CRIM1: variants seen among roughly 807,000 people sequenced by gnomAD.
CRIM1 encodes the protein cysteine rich transmembrane BMP regulator 1, also known as cysteine-rich motor neuron 1 protein.
Under a neutral mutation model 116.4 loss-of-function variants are expected in CRIM1, and 32 were observed. The ratio of observed to expected loss-of-function variants is 0.27; its 90% CI spans 0.21 to 0.37. The LOEUF is 0.37. Ranked by LOEUF, CRIM1 falls within the 10% of genes least tolerant of loss-of-function variation. The pLI, the probability that CRIM1 is intolerant of heterozygous loss-of-function variation, is 1.00. For missense variants in CRIM1, 1,331 were observed against 1,354.8 expected (o/e 0.98, Z 0.28); for synonymous variants, 590 against 509.2 (o/e 1.16, Z -2.13).
chr2:36,486,477 A>G (rs1357672325), intron 7 of CRIM1, among the ~76,000 whole-genome samples: 2 of 152,176 alleles, frequency 1.3e-5, no homozygotes, highest in Admixed American at 1.3e-4. Context: ...TATACTCTTA[A>G]TTTGCTAGAT....
intron 1 of CRIM1, among the ~76,000 whole-genome samples, chr2:36,361,848 C>A (rs1460863712): frequency 2.0e-5 from 3 of 152,048 alleles, no homozygotes; most frequent in African/African-American, 7.2e-5. Context: ...TTTGGAGACA[C>A]CCCAGTAAAG....
intron 1 of CRIM1, among the ~76,000 whole-genome samples, chr2:36,388,396 G>A (rs1671330824): frequency 1.3e-5 from 2 of 152,250 alleles, no homozygotes; most frequent in East Asian, 1.9e-4. Context: ...TTTAAATTAT[G>A]ACTGCCATAG....
chr2:36,493,840 T>G (rs1185484462), intron 7 of CRIM1, among the ~76,000 whole-genome samples: 2 of 152,210 alleles, frequency 1.3e-5, no homozygotes, highest in African/African-American at 4.8e-5. Flanking sequence ...TTGTATTGTT[T>G]CAGAAGTGAA....
chr2:36,471,599 A>G (rs561638248), intron 5 of CRIM1, among the ~76,000 whole-genome samples: 5 of 152,274 alleles, frequency 3.3e-5, no homozygotes, highest in South Asian at 4.1e-4. Context: ...ACATAATGCT[A>G]TTGTATACTT....
At chr2:36,540,113 A>G (rs1202097430) in intron 14 of CRIM1, among the ~76,000 whole-genome samples, 1 of 152,156 alleles carries the variant, frequency 6.6e-6, no homozygotes, top group Non-Finnish European at 1.5e-5. Flanking sequence ...GTGACATGGA[A>G]ACCAGGTGGA....
chr2:36,467,521 A>G (rs1678145574), intron 5 of CRIM1, among the ~76,000 whole-genome samples: 1 of 152,214 alleles, frequency 6.6e-6, no homozygotes, highest in African/African-American at 2.4e-5. Flanking sequence ...CATTATCATC[A>G]CTTAGAAAAG....
intron 14 of CRIM1, among the ~76,000 whole-genome samples, chr2:36,541,823 G>A (rs777749622): frequency 2.8e-4 from 42 of 152,186 alleles, no homozygotes; most frequent in Non-Finnish European, 4.9e-4. Flanking sequence ...GGCTCTTCTA[G>A]TAAATACCAG....
intron 6 of CRIM1, among the ~76,000 whole-genome samples, chr2:36,478,886 G>A (rs1364846342): frequency 6.6e-6 from 1 of 151,858 alleles, no homozygotes; most frequent in Non-Finnish European, 1.5e-5. Flanking sequence ...CCCACCTGGG[G>A]CTGCAGCTTA....
At chr2:36,449,670 T>A (rs1013325260) in intron 4 of CRIM1, among the ~76,000 whole-genome samples, 11 of 152,124 alleles carry the variant, frequency 7.2e-5, no homozygotes, top group Non-Finnish European at 1.5e-4. Context: ...ATTCTTTGAC[T>A]TTCCAAAAGC....
At chr2:36,379,363 A>G (rs1188934300) in intron 1 of CRIM1, 5 of 152,232 alleles carry the variant, frequency 3.3e-5, no homozygotes, top group African/African-American at 9.6e-5. Context: ...GAAGTGGTCC[A>G]TTTAAAATCT....
intron 2 of CRIM1, among the ~76,000 whole-genome samples, chr2:36,409,699 A>G (rs2148411696): frequency 6.6e-6 from 1 of 152,368 alleles, no homozygotes; most frequent in South Asian, 2.1e-4. Flanking sequence ...TAATCAGTTT[A>G]AAAGCTACTT....
At chr2:36,372,159 C>CAACA (rs1178002834) in intron 1 of CRIM1, among the ~76,000 whole-genome samples, 1 of 152,106 alleles carries the variant, frequency 6.6e-6, no homozygotes, top group African/African-American at 2.4e-5. Context: ...AATCCTAAGC[C>CAACA]AACAACCTGA....
intron 15 of CRIM1, among the ~76,000 whole-genome samples, chr2:36,546,782 T>C (rs894821831): frequency 6.7e-6 from 1 of 149,620 alleles, no homozygotes; most frequent in Non-Finnish European, 1.5e-5. Context: ...TTTTTTTTTT[T>C]TTTTTTTTAA....
chr2:36,401,112 C>T (rs1672373053), intron 2 of CRIM1, among the ~76,000 whole-genome samples: 1 of 152,006 alleles, frequency 6.6e-6, no homozygotes, highest in Non-Finnish European at 1.5e-5. Context: ...GTGTGGAAGT[C>T]ATTGCAGGCC....
chr2:36,427,739 C>G (rs941895616), intron 2 of CRIM1, among the ~76,000 whole-genome samples: 1 of 152,228 alleles, frequency 6.6e-6, no homozygotes, highest in African/African-American at 2.4e-5. Context: ...CTAGGTTGTT[C>G]CTCATGGGCG....
Position 36,499,211 on chromosome 2 carries a change from A to T in CRIM1, c.1373-8A>T. On this transcript the variant is annotated splice_region_variant and splice_polypyrimidine_tract_variant and intron_variant, in intron 7 of 16. Transcript: ENST00000280527. ...TCATTGGTTATTTTTTTCTCTATTTATTATTAGAACCAACCATCATCACAG... is the reference window on the plus strand; with the variant it reads ...TCATTGGTTATTTTTTTCTCTATTTTTTATTAGAACCAACCATCATCACAG... 3 of 1,601,986 alleles carry T rather than the reference A, an allele frequency of 1.9e-6. No individual in the cohort carries two copies. The highest frequency in any genetic ancestry group is 2.2e-5 in the South Asian group (2 of 89,638).
intron 2 of CRIM1, among the ~76,000 whole-genome samples, chr2:36,433,486 C>T (rs1409022775): frequency 6.6e-6 from 1 of 152,154 alleles, no homozygotes. Context: ...GGAACATGCC[C>T]TTGGCGAAGC....
chr2:36,440,622 G>T (rs1675739875), intron 2 of CRIM1, among the ~76,000 whole-genome samples: 1 of 152,196 alleles, frequency 6.6e-6, no homozygotes, highest in Non-Finnish European at 1.5e-5. Context: ...AGACAGAGGG[G>T]AATAAGGTGC....
At chr2:36,512,488 G>C in intron 10 of CRIM1, 94 bp downstream of exon 10, 1 of 1,360,292 alleles carries the variant, frequency 7.4e-7, no homozygotes, top group Non-Finnish European at 1.0e-6. Context: ...GGTTTCGGTG[G>C]TTGCTGCCTA....
Sources: gnomAD v4.1 joint callset for allele counts (sites outside exome capture counted in the v4.1 genomes callset) on GRCh38, gnomAD v4.1.1 for gene constraint, MANE v1.5 for transcripts, NCBI Gene and HGNC (gene_info 2026-07-23, HGNC 2026-07-21) for gene names.